Variants in GLIS3 observed in about 807,000 individuals in gnomAD.
The protein encoded by GLIS3 is GLIS family zinc finger 3.
A neutral mutation model predicts 78.6 loss-of-function variants in GLIS3; 53 were observed. That is an observed-to-expected ratio of 0.67 (90% CI 0.54 to 0.85). The LOEUF is 0.85. GLIS3 is among the 40% of genes least tolerant of loss of function. The probability of loss-of-function intolerance (pLI) is 0.00; values close to 1 mark genes in which losing one functional copy is unlikely to be tolerated. For missense variants in GLIS3, 1,703 were observed against 1,231.1 expected (o/e 1.38, Z -5.74); for synonymous variants, 684 against 509.9 (o/e 1.34, Z -4.60).
In GLIS3 at chr9:3,889,157, A is replaced by C. The variant is rs569892434; in HGVS notation, c.2128+9534T>G. Among the ~76,000 whole-genome samples the C allele has an allele frequency of 4.1e-4, 62 of 152,308 alleles. No individual in the cohort carries two copies. In the South Asian group the frequency reaches 0.011, roughly 26 times the overall value. On this transcript the variant is annotated intron_variant, in intron 7 of 10. Coordinates refer to ENST00000381971, the MANE Select transcript of GLIS3 (RefSeq NM_001042413.2). ...TGCCCCTGCCTCTGATCTCTTTGCCAGCCTTTAGCACCTCATAACTAGAAT... is the reference window on the plus strand; with the variant it reads ...TGCCCCTGCCTCTGATCTCTTTGCCCGCCTTTAGCACCTCATAACTAGAAT...
At chr9:4,007,232 G>C (rs1047759661) in intron 4 of GLIS3, among the ~76,000 whole-genome samples, 5 of 152,072 alleles carry the variant, frequency 3.3e-5, no homozygotes, top group Non-Finnish European at 5.9e-5. Context: ...CCTAAAATAG[G>C]GGGGACATCA....
At chr9:4,392,165 C>G in the GLIS3 span, among the ~76,000 whole-genome samples, 19 of 151,660 alleles carry the variant, frequency 1.3e-4, no homozygotes, top group Non-Finnish European at 2.5e-4. Context: ...CCAACCAGCA[C>G]AAGTTCTCAC....
chr9:4,250,900 G>C (rs1422267447), intron 2 of GLIS3, among the ~76,000 whole-genome samples: 1 of 152,194 alleles, frequency 6.6e-6, no homozygotes, highest in Non-Finnish European at 1.5e-5. Flanking sequence ...AGGTTGTTCA[G>C]TTTCTATGTA....
chr9:4,245,073 C>T lies in GLIS3; in HGVS notation c.388+40965G>A, dbSNP rs571591217. On this transcript the variant is annotated intron_variant, in intron 2 of 10. Transcript: ENST00000381971. ...ACATCAAAAGACTGGTAAATAAATA[C>T]ACATCTAGATGCTCTAAGTTGCTGT... 4.6e-5 allele frequency among the ~76,000 whole-genome samples: 7 copies of T among 152,282 alleles called. No homozygotes were observed. The East Asian group carries it at 1.2e-3, about 25-fold the overall frequency.
At chr9:4,220,067 G>T (rs1183928965) in intron 2 of GLIS3, among the ~76,000 whole-genome samples, 1 of 152,162 alleles carries the variant, frequency 6.6e-6, no homozygotes, top group Admixed American at 6.6e-5. Flanking sequence ...CATTTTTATA[G>T]GACTCAACAG....
At chr9:3,961,997 G>C (rs184403092) in intron 4 of GLIS3, among the ~76,000 whole-genome samples, 1 of 152,076 alleles carries the variant, frequency 6.6e-6, no homozygotes, top group Non-Finnish European at 1.5e-5. Context: ...TTGGGGTCAG[G>C]AGTTTGAAAA....
chr9:4,006,165 C>A (rs926216174), intron 4 of GLIS3, among the ~76,000 whole-genome samples: 4 of 152,074 alleles, frequency 2.6e-5, no homozygotes, highest in Non-Finnish European at 5.9e-5. Flanking sequence ...TGTTTTCCTG[C>A]CTGGATCTCT....
At chr9:4,007,635 T>C (rs1821659242) in intron 4 of GLIS3, among the ~76,000 whole-genome samples, 1 of 152,056 alleles carries the variant, frequency 6.6e-6, no homozygotes, top group African/African-American at 2.4e-5. Flanking sequence ...TTTCAGATAC[T>C]CTGAAAAAGA....
chr9:4,388,773 G>C, the GLIS3 span, among the ~76,000 whole-genome samples: 2 of 152,280 alleles, frequency 1.3e-5, no homozygotes, highest in South Asian at 4.1e-4. Context: ...TGTAATTGAA[G>C]TCCCAGAAGA....
In GLIS3 at chr9:3,932,396, C is replaced by T. The variant is rs1345868083; in HGVS notation, c.1947G>A (p.Lys649=). 6.2e-7 allele frequency: 1 copy of T among 1,613,870 alleles called. No homozygotes were observed. The highest frequency in any genetic ancestry group is 8.5e-7 in the Non-Finnish European group (1 of 1,179,768). ...CTTGTTGCTCTTTGGAAGAATGTGC[C>T]TTCACATGCTTTCTTAGGGAACTTG... ...TDPSSLRKHV[K]AHSSKEQQAR... is the part of the protein sequence containing the mutation. Residue 649 remains lysine (K), a synonymous_variant, in exon 6 of 11, where the codon AAG becomes AAA. Transcript: ENST00000381971.
At chr9:3,913,440 C>G (rs1419944535) in intron 6 of GLIS3, among the ~76,000 whole-genome samples, 1 of 152,200 alleles carries the variant, frequency 6.6e-6, no homozygotes, top group Non-Finnish European at 1.5e-5. Context: ...CATGCTGGCT[C>G]TCACCTAGCT....
At chr9:4,364,622 CAAAATGTTA>C in the GLIS3 span, among the ~76,000 whole-genome samples, 2 of 151,302 alleles carry the variant, frequency 1.3e-5, no homozygotes, top group Admixed American at 1.3e-4. Context: ...CATTATGTTC[CAAAATGTTA>C]ATACTTTAAC....
At chr9:4,140,462 G>A (rs1349960569) in intron 2 of GLIS3, among the ~76,000 whole-genome samples, 3 of 152,196 alleles carry the variant, frequency 2.0e-5, no homozygotes, top group African/African-American at 7.2e-5. Flanking sequence ...GCATGGGCTT[G>A]CAAGTCCAGA....
rs946904716 is a variant in GLIS3, at chr9:4,007,908, G to C, written c.1711-70719C>G. On this transcript the variant is annotated intron_variant, in intron 4 of 10. Transcript: ENST00000381971. The stretch of plus-strand genomic sequence containing the variant: ...GGGTGGGTGGGCGTTGGGGGGGGGG[G>C]GTTACTCCAGTCTCTTATCACTCCA... Among the ~76,000 whole-genome samples the C allele has an allele frequency of 1.4e-4, 21 of 146,210 alleles. 1 individual carries two copies. The highest frequency in any genetic ancestry group is 1.4e-3 in the Admixed American group (21 of 14,698).
intron 2 of GLIS3, among the ~76,000 whole-genome samples, chr9:4,253,208 C>G (rs1824564947): frequency 6.6e-6 from 1 of 152,198 alleles, no homozygotes; most frequent in Non-Finnish European, 1.5e-5. Context: ...TGAAGCTGGG[C>G]CCACAGCCGC....
the GLIS3 span, among the ~76,000 whole-genome samples, chr9:4,401,928 G>T: frequency 6.6e-6 from 1 of 152,202 alleles, no homozygotes; most frequent in African/African-American, 2.4e-5. Flanking sequence ...GCAAGAGCGG[G>T]AAGCACTTTA....
At chr9:3,840,769 G>C (rs1489151805) in intron 9 of GLIS3, among the ~76,000 whole-genome samples, 1 of 152,210 alleles carries the variant, frequency 6.6e-6, no homozygotes, top group Admixed American at 6.5e-5. Flanking sequence ...CAAGAAGCAA[G>C]GCCATTTTCA....
At chr9:3,906,717 A>G (rs1001808756) in intron 6 of GLIS3, among the ~76,000 whole-genome samples, 2 of 151,836 alleles carry the variant, frequency 1.3e-5, no homozygotes, top group African/African-American at 4.8e-5. Context: ...TATCAAATGG[A>G]CTCTCCTAAA....
At chr9:4,382,652 C>A in the GLIS3 span, among the ~76,000 whole-genome samples, 1 of 152,166 alleles carries the variant, frequency 6.6e-6, no homozygotes, top group African/African-American at 2.4e-5. Context: ...ATACCAGGCC[C>A]TTCTCCTTGT....
Sources: allele counts gnomAD v4.1 joint callset (sites outside exome capture counted in the v4.1 genomes callset), GRCh38; gene constraint gnomAD v4.1.1; transcripts MANE v1.5; gene names NCBI Gene and HGNC (gene_info 2026-07-23, HGNC 2026-07-21).